CAPN3: variants seen among roughly 807,000 people sequenced by gnomAD.
The protein encoded by CAPN3 is calpain 3.
In CAPN3, 88 loss-of-function variants were observed where a neutral mutation model predicts 114.0. The ratio of observed to expected loss-of-function variants is 0.77; its 90% CI spans 0.65 to 0.92. The LOEUF (loss-of-function observed/expected upper bound fraction) is 0.92, where lower values mean the gene tolerates loss of function less well. Ranked by LOEUF, CAPN3 falls within the 40% of genes least tolerant of loss-of-function variation. The pLI, the probability that CAPN3 is intolerant of heterozygous loss-of-function variation, is 0.00. For synonymous variants in CAPN3, 386 were observed against 382.9 expected, an observed-to-expected ratio of 1.01 and a Z score of -0.09; for missense variants, 1,028 against 1,069.0, an observed-to-expected ratio of 0.96 and a Z score of 0.53.
intron 2 of CAPN3, chr15:42,385,647 C>T (rs1237310218): frequency 7.7e-6 from 4 of 516,826 alleles, no homozygotes; most frequent in Admixed American, 1.9e-5. Context: ...GAGCTCATTC[C>T]GTTGCCAGCA....
chr15:42,409,849 G>A lies in CAPN3; in HGVS notation c.2050+5G>A. The A allele has an allele frequency of 2.3e-6, 3 of 1,279,882 alleles. No individual in the cohort carries two copies. Among genetic ancestry groups the A allele is most frequent in the Non-Finnish European group, 3.2e-6 (3 of 925,930 alleles). The allele number at this position is 1,279,882 out of a possible 1,614,324, so 79.3% of individuals were successfully genotyped here. A position where few individuals can be genotyped will look rare whatever the true frequency, so the allele number is the denominator to read the frequency against. On this transcript the variant is annotated splice_donor_5th_base_variant and intron_variant, in intron 18 of 23. Transcript: ENST00000397163. ...TTAACACAGTCGTGAACAAACGTGA[G>A]TTGCTCAAACCAAATGGGGGTGGGG...
At chr15:42,410,801 G>A in intron 21 of CAPN3, 83 bp from the exon 22 acceptor site, 1 of 1,383,586 alleles carries the variant, frequency 7.2e-7, no homozygotes, top group Non-Finnish European at 1.0e-6. Context: ...CCAGGTCACA[G>A]AGTGGCCGAG....
chr15:42,408,372 C>A, intron 16 of CAPN3, 48 bp downstream of exon 16: 1 of 1,170,360 alleles, frequency 8.5e-7, no homozygotes, highest in Non-Finnish European at 1.3e-6. Flanking sequence ...GCTACAGGGG[C>A]TTCCTATGCG....
chr15:42,388,496 G>A (rs1267228086), intron 4 of CAPN3, among the ~76,000 whole-genome samples: 3 of 152,026 alleles, frequency 2.0e-5, no homozygotes, highest in Non-Finnish European at 2.9e-5. Context: ...TTGTAGAGAC[G>A]GGGTTTTGCC....
chr15:42,363,480 C>A (rs2052701076), intron 1 of CAPN3, among the ~76,000 whole-genome samples: 1 of 152,154 alleles, frequency 6.6e-6, no homozygotes, highest in Admixed American at 6.5e-5. Flanking sequence ...CACTCCTGGC[C>A]TGTCTCCTTC....
In CAPN3 at chr15:42,359,817, C is replaced by G; in HGVS notation, c.12C>G (p.Val4=). The change falls in exon 1 of 24, where the codon GTC becomes GTG. Residue 4 remains valine, a synonymous_variant. Transcript: ENST00000397163. ...CAAAGCCACTTGCCATGCCGACCGT[C>G]ATTAGCGCATCTGTGGCTCCAAGGA... MPT[V]ISASVAPRTA... The G allele has an allele frequency of 6.2e-7, 1 of 1,613,832 alleles. No homozygotes were observed. Among genetic ancestry groups the G allele is most frequent in the Non-Finnish European group, 8.5e-7 (1 of 1,180,032 alleles).
intron 1 of CAPN3, among the ~76,000 whole-genome samples, chr15:42,371,543 A>C (rs2052947618): frequency 6.6e-6 from 1 of 152,072 alleles, no homozygotes; most frequent in Non-Finnish European, 1.5e-5. Flanking sequence ...TGATTTTTCT[A>C]CTGAGTTGTC....
At chr15:42,411,477 T>C (rs773574083) in intron 23 of CAPN3, 132 bp downstream of exon 23, 6 of 918,212 alleles carry the variant, frequency 6.5e-6, no homozygotes, top group Non-Finnish European at 7.3e-6. Flanking sequence ...GAACAGAACA[T>C]GGAGGGAGGC....
chr15:42,362,312 A>G (rs761724571), intron 1 of CAPN3, among the ~76,000 whole-genome samples: 2 of 152,146 alleles, frequency 1.3e-5, no homozygotes, highest in South Asian at 2.1e-4. Context: ...ACCTACAAAT[A>G]CTGTTTTCAG....
At chr15:42,404,779 C>T (rs1432678523) in intron 14 of CAPN3, 1 of 1,112,310 alleles carries the variant, frequency 9.0e-7, no homozygotes, top group East Asian at 6.4e-5. Context: ...CAGTCATGGT[C>T]ATAATCCTGA....
Position 42,409,316 on chromosome 15 carries a change from G to A in CAPN3, c.1928G>A (p.Ser643Asn), listed in dbSNP as rs142391359. Reference protein sequence around the residue: ...QKQSPQPQPGSSDQESEEQQQ... With the variant: ...QKQSPQPQPGNSDQESEEQQQ... ...GTGCCTCCACAGCCACAGCCTGGCA[G>A]CTCTGATCAGGAAAGTGAGGAACAG... Residue 643 changes from serine to asparagine, a missense_variant, in exon 17 of 24, where the codon AGC becomes AAC. By Grantham distance (46) the Ser-to-Asn change is conservative. Coordinates refer to ENST00000397163, the MANE Select transcript of CAPN3 (RefSeq NM_000070.3). 1.9e-6 allele frequency: 3 copies of A among 1,614,076 alleles called. No homozygotes were observed. The African/African-American group carries it at 4.0e-5, about 22-fold the overall frequency.
chr15:42,379,804 T>A (rs2053189201), intron 1 of CAPN3, among the ~76,000 whole-genome samples: 1 of 152,198 alleles, frequency 6.6e-6, no homozygotes, highest in African/African-American at 2.4e-5. Flanking sequence ...CTTCTTTATC[T>A]ATGAGTTTTT....
intron 2 of CAPN3, among the ~76,000 whole-genome samples, chr15:42,385,523 T>C (rs112222334): frequency 0.014 from 2,139 of 149,550 alleles, 52 homozygotes; most frequent in African/African-American, 0.05. Context: ...TATATATATA[T>C]ACACACACAG....
chr15:42,412,035 G>T lies in CAPN3; in HGVS notation c.*262G>T. The T allele has an allele frequency of 1.3e-6, 2 of 1,516,094 alleles. No homozygotes were observed. The highest frequency in any genetic ancestry group is 1.8e-6 in the Non-Finnish European group (2 of 1,136,864). The allele number at this position is 1,516,094 out of a possible 1,614,324, so 93.9% of individuals were successfully genotyped here. A position where few individuals can be genotyped will look rare whatever the true frequency, so the allele number is the denominator to read the frequency against. On this transcript the variant is annotated 3_prime_UTR_variant, in exon 24 of 24. Transcript: ENST00000397163. ...ATGTGGAGGAAAGTGCCTGCCTCTG[G>T]TCCGAGCCGCCTCGGTTCTGAAGCG...
Position 42,360,061 on chromosome 15 carries a change from TC to T in CAPN3, c.257del (p.Ser86PhefsTer41), listed in dbSNP as rs1278045166. On this transcript the variant is annotated frameshift_variant, in exon 1 of 24. Transcript: ENST00000397163. LOFTEE classifies it high-confidence loss of function. ...VDPEFPPDET[S>X]LFYSQKFPIQ... is the part of the protein sequence containing the mutation. ...CCCTGAGTTCCCACCGGATGAGACC[TC>T]TCTCTTTTATAGCCAGAAGTTCCCC... 1.2e-6 allele frequency: 2 copies of T among 1,614,188 alleles called. No individual in the cohort carries two copies. The highest frequency in any genetic ancestry group is 2.2e-5 in the South Asian group (2 of 91,082).
chr15:42,401,479 C>A (rs979961263), intron 10 of CAPN3, among the ~76,000 whole-genome samples, 162 bp from the exon 11 acceptor site: 8 of 128,182 alleles, frequency 6.2e-5, no homozygotes, highest in East Asian at 2.6e-4. Context: ...TAGCGCCCCC[C>A]CCCCCCCCAA....
intron 1 of CAPN3, among the ~76,000 whole-genome samples, chr15:42,361,679 C>T (rs1403594686): frequency 1.3e-5 from 2 of 152,154 alleles, no homozygotes; most frequent in African/African-American, 4.8e-5. Context: ...CTCTCGGCCC[C>T]CACTGCCTTC....
intron 14 of CAPN3, chr15:42,404,930 A>C: frequency 1.0e-6 from 1 of 1,001,116 alleles, no homozygotes; most frequent in Non-Finnish European, 1.2e-6. Flanking sequence ...TGCAAACCCA[A>C]AAGCTTATGG....
intron 1 of CAPN3, among the ~76,000 whole-genome samples, chr15:42,369,441 G>A (rs1478085028): frequency 6.6e-6 from 1 of 152,026 alleles, no homozygotes; most frequent in Admixed American, 6.6e-5. Context: ...GGTTGGGGCT[G>A]CAGTGAGCCA....
Sources: gnomAD v4.1 joint callset for allele counts (sites outside exome capture counted in the v4.1 genomes callset) on GRCh38, gnomAD v4.1.1 for gene constraint, MANE v1.5 for transcripts, NCBI Gene and HGNC (gene_info 2026-07-23, HGNC 2026-07-21) for gene names.